The following THSD7A variants were observed in gnomAD, a reference collection of about 807,000 sequenced individuals.
The protein encoded by THSD7A is thrombospondin type 1 domain containing 7A.
Under a neutral mutation model 231.3 loss-of-function variants are expected in THSD7A, and 96 were observed. The observed-to-expected ratio is 0.41, with a 90% CI of 0.35 to 0.49. THSD7A has a LOEUF of 0.49. THSD7A is among the 20% of genes least tolerant of loss of function. THSD7A has a pLI of 0.05. For missense variants in THSD7A, 2,290 were observed against 2,070.2 expected, an observed-to-expected ratio of 1.11 and a Z score of -2.06; for synonymous variants, 940 against 743.3, an observed-to-expected ratio of 1.26 and a Z score of -4.30.
intron 1 of THSD7A, among the ~76,000 whole-genome samples, chr7:11,777,678 T>C (rs897554432): frequency 9.9e-5 from 15 of 152,170 alleles, no homozygotes; most frequent in African/African-American, 3.6e-4. Context: ...CTATGACTTA[T>C]AGCAATGGAT....
intron 1 of THSD7A, among the ~76,000 whole-genome samples, chr7:11,700,252 AAAGGAGG>A (rs1780545062): frequency 6.6e-6 from 1 of 151,178 alleles, no homozygotes; most frequent in Non-Finnish European, 1.5e-5. Flanking sequence ...TCAGGGGATA[AAAGGAGG>A]AAAATTAACT....
Position 11,499,904 on chromosome 7 carries a change from T to C in THSD7A, c.1823-17922A>G, listed in dbSNP as rs186245222. Among the ~76,000 whole-genome samples the C allele has an allele frequency of 4.6e-5, 7 of 152,308 alleles. No homozygotes were observed. In the East Asian group the frequency reaches 9.6e-4, roughly 21 times the overall value. On this transcript the variant is annotated intron_variant, in intron 6 of 27. Transcript: ENST00000423059. ...AACTTGGAAAATATATTTCAGGATA[T>C]TGTCAATGAAAATTTCCCCAACCTT...
chr7:11,452,775 A>G (rs1392270025), intron 11 of THSD7A, among the ~76,000 whole-genome samples: 1 of 152,060 alleles, frequency 6.6e-6, no homozygotes, highest in Non-Finnish European at 1.5e-5. Context: ...TCCCAGAGAG[A>G]TATAAAACGA....
chr7:11,662,806 T>A (rs185445052), intron 1 of THSD7A, among the ~76,000 whole-genome samples: 1 of 151,304 alleles, frequency 6.6e-6, no homozygotes, highest in East Asian at 1.9e-4. Context: ...ACAGCACACA[T>A]CTAAACACAC....
intron 4 of THSD7A, among the ~76,000 whole-genome samples, chr7:11,588,191 A>T (rs1052040559): frequency 6.6e-6 from 1 of 152,154 alleles, no homozygotes; most frequent in Admixed American, 6.5e-5. Context: ...TCAAGCCCAC[A>T]GCCTAATTGT....
chr7:11,475,162 T>C (rs970525486), intron 7 of THSD7A, among the ~76,000 whole-genome samples: 9 of 152,166 alleles, frequency 5.9e-5, no homozygotes, highest in African/African-American at 2.4e-5. Context: ...ACTGGGCTTA[T>C]GTTATAAAGA....
rs559748876 is a variant in THSD7A at position 11,454,963 on chromosome 7, G to C, written c.2605+5699C>G. On this transcript the variant is annotated intron_variant, in intron 11 of 27. Coordinates refer to ENST00000423059, the MANE Select transcript of THSD7A (RefSeq NM_015204.3). ...CTGCACTATTGCTATATACTGAGTT[G>C]TATCTCCCTCAGATCCACATGTTGA... Among the ~76,000 whole-genome samples, 126 of 152,112 alleles carry C rather than the reference G, an allele frequency of 8.3e-4. 2 individuals carry two copies. The South Asian group carries it at 0.024, about 30-fold the overall frequency.
intron 1 of THSD7A, among the ~76,000 whole-genome samples, chr7:11,661,942 A>G (rs554973632): frequency 6.6e-6 from 1 of 151,410 alleles, no homozygotes; most frequent in Admixed American, 6.6e-5. Context: ...ATTAATTTTG[A>G]GTTGACTGTA....
At chr7:11,385,239 T>C (rs537451122) in intron 23 of THSD7A, 8 of 152,034 alleles carry the variant, frequency 5.3e-5, no homozygotes, top group Non-Finnish European at 8.8e-5. Flanking sequence ...GAAATTCATA[T>C]ACTATGAGAA....
At chr7:11,379,817 C>T (rs546256549) in intron 24 of THSD7A, 105 bp from the exon 25 acceptor site, 1 of 1,272,302 alleles carries the variant, frequency 7.9e-7, no homozygotes, top group South Asian at 1.3e-5. Flanking sequence ...CTTGGGAATC[C>T]CAGGAATTTT....
At chr7:11,642,241 G>T (rs536305705) in intron 1 of THSD7A, among the ~76,000 whole-genome samples, 5 of 152,264 alleles carry the variant, frequency 3.3e-5, no homozygotes, top group East Asian at 3.9e-4. Context: ...GGAGGTAGGG[G>T]TAGCAGAAAA....
chr7:11,659,139 T>C (rs1049181796), intron 1 of THSD7A, among the ~76,000 whole-genome samples: 1 of 151,702 alleles, frequency 6.6e-6, no homozygotes, highest in Non-Finnish European at 1.5e-5. Flanking sequence ...ATTATGTAAA[T>C]GCTTGGCCAT....
intron 1 of THSD7A, among the ~76,000 whole-genome samples, chr7:11,751,921 A>G (rs1782516125): frequency 6.6e-6 from 1 of 152,082 alleles, no homozygotes; most frequent in Non-Finnish European, 1.5e-5. Context: ...ATTTTAAGGC[A>G]ATCATGTCAG....
chr7:11,673,961 C>A (rs1783525743), intron 1 of THSD7A, among the ~76,000 whole-genome samples: 1 of 151,998 alleles, frequency 6.6e-6, no homozygotes, highest in Non-Finnish European at 1.5e-5. Flanking sequence ...GTACACGTGG[C>A]CACTGCCCTG....
intron 6 of THSD7A, among the ~76,000 whole-genome samples, chr7:11,486,394 C>T (rs1418075168): frequency 6.6e-6 from 1 of 152,146 alleles, no homozygotes; most frequent in Non-Finnish European, 1.5e-5. Flanking sequence ...GGAAGTTTTG[C>T]TGCCTAGCAC....
At chr7:11,462,258 G>C in intron 9 of THSD7A, 115 bp from the exon 10 acceptor site, 1 of 1,167,418 alleles carries the variant, frequency 8.6e-7, no homozygotes, top group Non-Finnish European at 1.2e-6. Flanking sequence ...TGACATCCCT[G>C]AGAGGCTTCA....
chr7:11,488,263 G>T (rs17556768), intron 6 of THSD7A, among the ~76,000 whole-genome samples: 50,603 of 151,988 alleles, frequency 0.33, 8,508 homozygotes, highest in Middle Eastern at 0.37. Context: ...TGACTTTTGA[G>T]AGTGATAGTC....
chr7:11,606,617 C>T (rs1780742852), intron 2 of THSD7A, among the ~76,000 whole-genome samples: 1 of 151,936 alleles, frequency 6.6e-6, no homozygotes, highest in Admixed American at 6.6e-5. Context: ...TATTGAGTTA[C>T]AAAAATGTTT....
At chr7:11,383,098 A>G (rs77382285) in intron 23 of THSD7A, among the ~76,000 whole-genome samples, 8,442 of 151,864 alleles carry the variant, frequency 0.056, 732 homozygotes, top group African/African-American at 0.19. Context: ...CTGAAGATGT[A>G]TGACTTTCTT....
Sources: allele counts gnomAD v4.1 joint callset (sites outside exome capture counted in the v4.1 genomes callset), GRCh38; gene constraint gnomAD v4.1.1; transcripts MANE v1.5; gene names NCBI Gene and HGNC (gene_info 2026-07-23, HGNC 2026-07-21).